DGLUCY: variants seen among roughly 807,000 people sequenced by gnomAD.
The protein encoded by DGLUCY is D-glutamate cyclase, mitochondrial.
DGLUCY carries 58 observed loss-of-function variants against 58.5 expected under a neutral mutation model. The ratio of observed to expected loss-of-function variants is 0.99; its 90% CI spans 0.80 to 1.23. The LOEUF is 1.23. DGLUCY is among the 50% of genes most tolerant of loss of function. DGLUCY has a pLI of 0.00. For missense variants in DGLUCY, 779 were observed against 784.7 expected, an observed-to-expected ratio of 0.99 and a Z score of 0.09; for synonymous variants, 325 against 314.1, an observed-to-expected ratio of 1.03 and a Z score of -0.37.
At chr14:91,063,375 C>T (rs1001475572) in intron 1 of DGLUCY, among the ~76,000 whole-genome samples, 1 of 151,844 alleles carries the variant, frequency 6.6e-6, no homozygotes. Context: ...GACCAGAAAA[C>T]TCCTTGCATA....
chr14:91,173,370 G>T lies in DGLUCY; in HGVS notation c.538G>T (p.Glu180Ter). The change falls in exon 6 of 14, where the codon GAA (glutamate) becomes TAA (stop). Residue 180 changes from glutamate to a stop codon, truncating the protein, a stop_gained. Coordinates refer to ENST00000256324, the MANE Select transcript of DGLUCY (RefSeq NM_001102368.3). LOFTEE classifies it high-confidence loss of function. ...TMRPIPKDKL[E>*]GLVRACCSLG... ...GAGGCCCATTCCCAAGGACAAGCTG[G>T]AAGGGCTGGTGCGGGCCTGCTGCTC... 1 of 1,613,790 alleles carries T rather than the reference G, an allele frequency of 6.2e-7. No individual in the cohort carries two copies. The highest frequency in any genetic ancestry group is 1.3e-5 in the African/African-American group (1 of 74,964).
At chr14:91,068,669 C>CA (rs1160235287) in intron 1 of DGLUCY, among the ~76,000 whole-genome samples, 5 of 151,636 alleles carry the variant, frequency 3.3e-5, no homozygotes, top group Non-Finnish European at 5.9e-5. Flanking sequence ...AACTCCACCT[C>CA]AAAAAAAATA....
chr14:91,207,145 C>A (rs1312303405), intron 12 of DGLUCY, among the ~76,000 whole-genome samples: 2 of 95,566 alleles, frequency 2.1e-5, no homozygotes, highest in South Asian at 4.3e-4. Flanking sequence ...GATGACAGAG[C>A]AAGACACTGT....
chr14:91,153,240 T>G (rs1050073181), intron 1 of DGLUCY, among the ~76,000 whole-genome samples: 4 of 152,198 alleles, frequency 2.6e-5, no homozygotes, highest in Non-Finnish European at 5.9e-5. Flanking sequence ...TGGAGTGCAG[T>G]GGCGAAATCT....
intron 1 of DGLUCY, among the ~76,000 whole-genome samples, chr14:91,078,260 A>G (rs919142287): frequency 1.3e-5 from 2 of 152,078 alleles, no homozygotes; most frequent in African/African-American, 4.8e-5. Context: ...AACTGTTTCC[A>G]TTATTTTTAA....
chr14:91,183,760 A>G (rs975242296), intron 8 of DGLUCY, among the ~76,000 whole-genome samples: 33 of 152,178 alleles, frequency 2.2e-4, no homozygotes, highest in African/African-American at 7.7e-4. Context: ...TCAGGGCAGA[A>G]CTTGAACCCA....
At chr14:91,196,956 T>C (rs2050256875) in intron 10 of DGLUCY, among the ~76,000 whole-genome samples, 1 of 152,130 alleles carries the variant, frequency 6.6e-6, no homozygotes, top group Non-Finnish European at 1.5e-5. Flanking sequence ...CTGTGTGTTA[T>C]GGTCAAACTT....
At chr14:91,185,659 G>A (rs2049470217) in intron 8 of DGLUCY, 2 of 150,000 alleles carry the variant, frequency 1.3e-5, no homozygotes, top group Non-Finnish European at 2.9e-5. Flanking sequence ...ATTTAGCACA[G>A]AGTCATGAGG....
intron 1 of DGLUCY, among the ~76,000 whole-genome samples, chr14:91,156,848 G>A (rs1022535126): frequency 6.6e-6 from 1 of 152,222 alleles, no homozygotes; most frequent in Non-Finnish European, 1.5e-5. Flanking sequence ...CCAGTGCCCT[G>A]ATAGAAAGTC....
At chr14:91,184,633 A>AAGGGAGGGAGGG (rs1227145070) in intron 8 of DGLUCY, among the ~76,000 whole-genome samples, 2 of 46,592 alleles carry the variant, frequency 4.3e-5, no homozygotes, top group Admixed American at 3.0e-4. Context: ...GGAAGGAAGG[A>AAGGGAGGGAGGG]AGGGAGGGAG....
chr14:91,217,669 G>A (rs555335221), intron 13 of DGLUCY, among the ~76,000 whole-genome samples: 1 of 151,086 alleles, frequency 6.6e-6, no homozygotes, highest in South Asian at 2.1e-4. Flanking sequence ...TGTATTTTTA[G>A]TAGAGACAGG....
At chr14:91,192,002 C>T (rs181843422) in intron 9 of DGLUCY, among the ~76,000 whole-genome samples, 1 of 152,264 alleles carries the variant, frequency 6.6e-6, no homozygotes, top group East Asian at 1.9e-4. Context: ...TATGGTCTAG[C>T]AATTCCACTT....
In DGLUCY at chr14:91,224,758, G is replaced by A. The variant is rs768662276; in HGVS notation, c.1791G>A (p.Val597=). The A allele has an allele frequency of 6.2e-7, 1 of 1,613,798 alleles. No individual in the cohort carries two copies. Among genetic ancestry groups the A allele is most frequent in the South Asian group, 1.1e-5 (1 of 91,032 alleles). ...TCTCGGGCATCGTGGGCATGGAGGT[G>A]GATGGGCTGCCCTTCCACAACACCC... ...SGVSGIVGME[V]DGLPFHNTHA... is the part of the protein sequence containing the mutation. Residue 597 remains valine (V), a synonymous_variant, in exon 14 of 14, where the codon GTG becomes GTA. Transcript: ENST00000256324.
intron 8 of DGLUCY, among the ~76,000 whole-genome samples, chr14:91,183,096 A>G (rs1269236400): frequency 6.6e-6 from 1 of 151,908 alleles, no homozygotes; most frequent in African/African-American, 2.4e-5. Context: ...GGCTCAAGCA[A>G]TCCTCCCACC....
At chr14:91,100,963 C>T (rs925928925) in intron 1 of DGLUCY, among the ~76,000 whole-genome samples, 4 of 151,774 alleles carry the variant, frequency 2.6e-5, no homozygotes, top group Non-Finnish European at 4.4e-5. Context: ...CCCAGCTGCT[C>T]GGGAGGCTGA....
At chr14:91,120,763 A>G (rs1045785210) in intron 1 of DGLUCY, among the ~76,000 whole-genome samples, 1 of 152,062 alleles carries the variant, frequency 6.6e-6, no homozygotes, top group African/African-American at 2.4e-5. Context: ...CATACATTCA[A>G]TCAGGTATCA....
chr14:91,077,762 A>G (rs57225983), intron 1 of DGLUCY, among the ~76,000 whole-genome samples: 69 of 130,204 alleles, frequency 5.3e-4, no homozygotes, highest in Admixed American at 3.5e-3. Flanking sequence ...AAAAAAAAAA[A>G]AGAGAGAGAG....
intron 13 of DGLUCY, among the ~76,000 whole-genome samples, chr14:91,218,735 AAC>A (rs1326217506): frequency 1.3e-5 from 2 of 152,066 alleles, no homozygotes; most frequent in Non-Finnish European, 2.9e-5. Flanking sequence ...CAAAAGTACA[AAC>A]ACATGTTTGT....
intron 1 of DGLUCY, among the ~76,000 whole-genome samples, chr14:91,100,335 T>G (rs577924122): frequency 2.0e-5 from 3 of 152,228 alleles, no homozygotes; most frequent in South Asian, 4.2e-4. Flanking sequence ...GATTACCAAT[T>G]CAGTAACCTC....
Sources: allele counts gnomAD v4.1 joint callset (sites outside exome capture counted in the v4.1 genomes callset), GRCh38; gene constraint gnomAD v4.1.1; transcripts MANE v1.5; gene names NCBI Gene and HGNC (gene_info 2026-07-23, HGNC 2026-07-21).